ATP8A1: variants seen among roughly 807,000 people sequenced by gnomAD.
The protein encoded by ATP8A1 is ATPase phospholipid transporting 8A1.
Under a neutral mutation model 177.7 loss-of-function variants are expected in ATP8A1, and 90 were observed. The observed-to-expected ratio is 0.51, with a 90% CI of 0.43 to 0.60. ATP8A1 has a LOEUF of 0.60. ATP8A1 is among the 20% of genes least tolerant of loss of function. The pLI, the probability that ATP8A1 is intolerant of heterozygous loss-of-function variation, is 0.00. For missense variants in ATP8A1, 1,072 were observed against 1,392.8 expected (o/e 0.77, Z 3.67); for synonymous variants, 493 against 485.9 (o/e 1.01, Z -0.19).
chr4:42,479,111 T>C (rs1424820791), intron 25 of ATP8A1, among the ~76,000 whole-genome samples: 1 of 152,232 alleles, frequency 6.6e-6, no homozygotes, highest in African/African-American at 2.4e-5. Flanking sequence ...AGACACTTTA[T>C]TATGGCCCCA....
chr4:42,457,062 T>TA (rs1402675016), intron 27 of ATP8A1, among the ~76,000 whole-genome samples: 1 of 152,184 alleles, frequency 6.6e-6, no homozygotes, highest in African/African-American at 2.4e-5. Context: ...CAAATTGTGT[T>TA]AGAGCTGTAA....
rs150461575 is a variant in ATP8A1, at chr4:42,485,551, C to T, written c.2269G>A (p.Val757Ile). 6 of 1,613,646 alleles carry T rather than the reference C, an allele frequency of 3.7e-6. No homozygotes were observed. Among genetic ancestry groups the T allele is most frequent in the South Asian group, 1.1e-5 (1 of 91,040 alleles). ...GCTAAGTCCAGGAAATACTGTCGTA[C>T]TCCAAAGGTTAAGGCATATTTGAGG... is the stretch of plus-strand genomic sequence containing the variant. ...KTLKYALTFG[V>I]RQYFLDLALS... The change falls in exon 25 of 37, where the codon GTA (valine) becomes ATA (isoleucine). Residue 757 changes from valine (V) to isoleucine (I), a missense_variant. By Grantham distance (29) the Val-to-Ile change is conservative. Around this residue, in one of 5 missense-constraint regions of ATP8A1, gnomAD observed 388 missense variants for 471.7 expected, o/e 0.82. Transcript: ENST00000381668.
rs371514509 is a variant in ATP8A1 at position 42,537,247 on chromosome 4, T to C, written c.1722+6670A>G. On this transcript the variant is annotated intron_variant, in intron 20 of 36. Transcript: ENST00000381668. Reference sequence around the variant, plus strand: ...TTTATGATTAAAACCCTCAGCAATATTGACACAGAAGAGGCATACCTTAAG... The same window carrying C: ...TTTATGATTAAAACCCTCAGCAATACTGACACAGAAGAGGCATACCTTAAG... Among the ~76,000 whole-genome samples the C allele has an allele frequency of 7.9e-5, 12 of 150,954 alleles. No individual in the cohort carries two copies. The East Asian group carries it at 1.9e-3, about 25-fold the overall frequency.
chr4:42,418,532 G>A (rs1379850989), intron 35 of ATP8A1, among the ~76,000 whole-genome samples: 4 of 152,016 alleles, frequency 2.6e-5, no homozygotes, highest in South Asian at 2.1e-4. Flanking sequence ...TACAATTTCC[G>A]TTTTATTTTT....
intron 27 of ATP8A1, among the ~76,000 whole-genome samples, chr4:42,458,739 C>T (rs1325581507): frequency 2.0e-5 from 3 of 152,206 alleles, no homozygotes; most frequent in African/African-American, 7.2e-5. Context: ...CCTTTATTAG[C>T]ATAGAAATTT....
intron 25 of ATP8A1, among the ~76,000 whole-genome samples, chr4:42,468,569 T>G (rs1720067397): frequency 1.3e-5 from 2 of 152,146 alleles, no homozygotes; most frequent in African/African-American, 4.8e-5. Context: ...GTAAGTGAAG[T>G]AACTCAGGAA....
chr4:42,656,867 T>A lies in ATP8A1; in HGVS notation c.7A>T (p.Thr3Ser). 1 of 1,587,636 alleles carries A rather than the reference T, an allele frequency of 6.3e-7. No individual in the cohort carries two copies. The highest frequency in any genetic ancestry group is 8.6e-7 in the Non-Finnish European group (1 of 1,167,294). Residue 3 changes from threonine (T) to serine (S), a missense_variant, in exon 1 of 37, where the codon ACC becomes TCC. By Grantham distance (58) the Thr-to-Ser change is moderately conservative. Around this residue, in one of 5 missense-constraint regions of ATP8A1, gnomAD observed 344 missense variants for 393.5 expected, o/e 0.87. Coordinates refer to ENST00000381668, the MANE Select transcript of ATP8A1 (RefSeq NM_006095.2). MP[T>S]MRRTVSEIRS... Reference sequence around the variant, plus strand: ...ATCTCCGACACGGTCCTCCGCATGGTGGGCATCGCGGCGGCGGCTGCAGGT... The same window carrying A: ...ATCTCCGACACGGTCCTCCGCATGGAGGGCATCGCGGCGGCGGCTGCAGGT...
rs922727659 is a variant in ATP8A1 at position 42,559,761 on chromosome 4, A to G, written c.1341-3721T>C. On this transcript the variant is annotated intron_variant, in intron 15 of 36. Transcript: ENST00000381668. ...CACAGTCTTGGCTCACTTGGAGTGC[A>G]GTGACACAATCTCAGCTCACTGCAA... Among the ~76,000 whole-genome samples the G allele has an allele frequency of 3.9e-5, 6 of 152,330 alleles. No homozygotes were observed. In the East Asian group the frequency reaches 1.2e-3, roughly 29 times the overall value.
chr4:42,489,040 G>C (rs1722487505), intron 24 of ATP8A1, among the ~76,000 whole-genome samples: 1 of 152,168 alleles, frequency 6.6e-6, no homozygotes, highest in African/African-American at 2.4e-5. Flanking sequence ...GAGTAAGAGA[G>C]AGACACACAC....
intron 15 of ATP8A1, among the ~76,000 whole-genome samples, chr4:42,558,099 T>C (rs1730436788): frequency 6.6e-6 from 1 of 152,086 alleles, no homozygotes; most frequent in South Asian, 2.1e-4. Flanking sequence ...CAACTCATCC[T>C]CTAATCAGAC....
At chr4:42,444,335 A>G (rs1382370860) in intron 32 of ATP8A1, among the ~76,000 whole-genome samples, 1 of 152,188 alleles carries the variant, frequency 6.6e-6, no homozygotes, top group African/African-American at 2.4e-5. Flanking sequence ...ATATATGACA[A>G]TACTTTAAAG....
intron 20 of ATP8A1, among the ~76,000 whole-genome samples, chr4:42,538,351 G>A (rs1160564623): frequency 6.6e-6 from 1 of 152,146 alleles, no homozygotes; most frequent in Non-Finnish European, 1.5e-5. Flanking sequence ...TCTGGACACT[G>A]GCTTAGGCAA....
At chr4:42,652,079 T>C (rs1485473857) in intron 1 of ATP8A1, among the ~76,000 whole-genome samples, 2 of 152,222 alleles carry the variant, frequency 1.3e-5, no homozygotes, top group Non-Finnish European at 2.9e-5. Flanking sequence ...AAGTTTGAGG[T>C]TTCCCACATC....
Position 42,616,030 on chromosome 4 carries a change from T to C in ATP8A1, c.409+3A>G. The C allele has an allele frequency of 4.3e-6, 7 of 1,611,600 alleles. No homozygotes were observed. The highest frequency in any genetic ancestry group is 5.9e-6 in the Non-Finnish European group (7 of 1,178,938). ...ATGAGAAAAAAGCATGTAAAATTCCTACCTTGCGTTTGTTTCTTGTTCACT... is the reference window on the plus strand; with the variant it reads ...ATGAGAAAAAAGCATGTAAAATTCCCACCTTGCGTTTGTTTCTTGTTCACT... On this transcript the variant is annotated splice_donor_region_variant and intron_variant, in intron 5 of 36. Coordinates refer to ENST00000381668, the MANE Select transcript of ATP8A1 (RefSeq NM_006095.2).
intron 16 of ATP8A1, among the ~76,000 whole-genome samples, chr4:42,555,085 G>GTACC (rs1729928850): frequency 8.4e-6 from 1 of 119,476 alleles, no homozygotes; most frequent in Non-Finnish European, 1.7e-5. Flanking sequence ...CTTTGTGTGT[G>GTACC]TATCTATCTA....
chr4:42,475,628 G>C (rs1651571089), intron 25 of ATP8A1, among the ~76,000 whole-genome samples: 1 of 151,872 alleles, frequency 6.6e-6, no homozygotes, highest in Non-Finnish European at 1.5e-5. Flanking sequence ...CTATATAAGA[G>C]AAAATTAGAT....
chr4:42,485,615 C>A lies in ATP8A1; in HGVS notation c.2205G>T (p.Arg735=), dbSNP rs2153189230. 1 of 1,613,726 alleles carries A rather than the reference C, an allele frequency of 6.2e-7. No individual in the cohort carries two copies. The highest frequency in any genetic ancestry group is 1.1e-5 in the South Asian group (1 of 91,060). ...RHCTTLGDAL[R]KENDFALIID... The stretch of plus-strand genomic sequence containing the variant: ...TTATAAGAGCAAAATCATTCTCTTT[C>A]CGGAGAGCATCACCAAGGGTAGTAC... The change falls in exon 25 of 37, where the codon CGG becomes CGT. Residue 735 remains arginine (R), a synonymous_variant. Coordinates refer to ENST00000381668, the MANE Select transcript of ATP8A1 (RefSeq NM_006095.2).
intron 33 of ATP8A1, among the ~76,000 whole-genome samples, chr4:42,430,419 T>C (rs773164334): frequency 6.6e-6 from 1 of 151,872 alleles, no homozygotes; most frequent in African/African-American, 2.4e-5. Flanking sequence ...GTCTTTACAA[T>C]TGTCTCATGG....
chr4:42,436,919 C>G (rs1400497711), intron 33 of ATP8A1, among the ~76,000 whole-genome samples: 1 of 152,198 alleles, frequency 6.6e-6, no homozygotes, highest in African/African-American at 2.4e-5. Context: ...TTAGGAAAAT[C>G]ATATCACTAA....
Sources: gnomAD v4.1 joint callset for allele counts (sites outside exome capture counted in the v4.1 genomes callset) on GRCh38, gnomAD v4.1.1 for gene constraint, gnomAD v4.1.1 regional missense constraint, MANE v1.5 for transcripts, NCBI Gene and HGNC (gene_info 2026-07-23, HGNC 2026-07-21) for gene names.